Variants in BRPF3 observed in about 807,000 individuals in gnomAD.
The protein encoded by BRPF3 is bromodomain and PHD finger containing 3, also known as bromodomain and PHD finger-containing protein 3.
BRPF3 carries 18 observed loss-of-function variants against 102.0 expected under a neutral mutation model. The observed-to-expected ratio is 0.18, with a 90% CI of 0.12 to 0.26. The LOEUF is 0.26. Ranked by LOEUF, BRPF3 falls within the 10% of genes least tolerant of loss-of-function variation. The probability of loss-of-function intolerance (pLI) is 1.00; values close to 1 mark genes in which losing one functional copy is unlikely to be tolerated. For missense variants in BRPF3, 1,147 were observed against 1,567.8 expected, an observed-to-expected ratio of 0.73 and a Z score of 4.53; for synonymous variants, 570 against 614.2, an observed-to-expected ratio of 0.93 and a Z score of 1.06.
In BRPF3 at chr6:36,200,474, G is replaced by T. The variant is rs763603141; in HGVS notation, c.152G>T (p.Arg51Leu). 6.2e-7 allele frequency: 1 copy of T among 1,614,100 alleles called. No homozygotes were observed. The highest frequency in any genetic ancestry group is 8.5e-7 in the Non-Finnish European group (1 of 1,180,044). Residue 51 changes from arginine (R) to leucine (L), a missense_variant, in exon 2 of 13, where the codon CGT becomes CTT. By Grantham distance (102) the Arg-to-Leu change is moderately radical. This residue lies in a region of BRPF3 where 221 missense variants were observed against 337.1 expected (regional missense o/e 0.66). Coordinates refer to ENST00000357641, the MANE Select transcript of BRPF3 (RefSeq NM_015695.3). The surrounding 1 kb of genome is among the most constrained non-coding windows in gnomAD (Gnocchi z 5.3). Reference protein sequence around the residue: ...VEVDIDGRLHRISIYDPLKII... With the variant: ...VEVDIDGRLHLISIYDPLKII... ...GTAGACATTGATGGACGCCTGCATC[G>T]TATCAGCATCTATGACCCACTCAAA... is the stretch of plus-strand genomic sequence containing the variant.
chr6:36,215,050 G>T lies in BRPF3; in HGVS notation c.2989+664G>T, dbSNP rs1047835829. ...AACCAGTTTGGCTGCAGCAGAGGGG[G>T]TGGGGTGGGGTGAGGTGGTGATAGA... On this transcript the variant is annotated intron_variant, in intron 8 of 12. Transcript: ENST00000357641. Among the ~76,000 whole-genome samples the T allele has an allele frequency of 4.6e-5, 7 of 151,966 alleles. No individual in the cohort carries two copies. In the East Asian group the frequency reaches 9.6e-4, roughly 21 times the overall value.
Position 36,200,206 on chromosome 6 carries a change from C to A in BRPF3, c.-26-91C>A. On this transcript the variant is annotated intron_variant, in intron 1 of 12. Coordinates refer to ENST00000357641, the MANE Select transcript of BRPF3 (RefSeq NM_015695.3). This position sits in a 1 kb window ranked among gnomAD's most constrained non-coding sequence, Gnocchi z 5.3. Reference sequence around the variant, plus strand: ...CAAGTTGTTCAGACAGAGGGAAAAGCCAGTCCTCTTGGTGGATGCTTGATC... The same window carrying A: ...CAAGTTGTTCAGACAGAGGGAAAAGACAGTCCTCTTGGTGGATGCTTGATC... 1 of 1,409,392 alleles carries A rather than the reference C, an allele frequency of 7.1e-7. No homozygotes were observed. Among genetic ancestry groups the A allele is most frequent in the Non-Finnish European group, 9.3e-7 (1 of 1,074,632 alleles). The allele number at this position is 1,409,392 out of a possible 1,614,324, so 87.3% of individuals were successfully genotyped here.
chr6:36,217,907 T>C lies in BRPF3; in HGVS notation c.2990-10T>C. 6.2e-7 allele frequency: 1 copy of C among 1,612,646 alleles called. No individual in the cohort carries two copies. The highest frequency in any genetic ancestry group is 8.5e-7 in the Non-Finnish European group (1 of 1,179,182). ...TCTGCACTCAGACTCACTGTGTGTG[T>C]CCTTGGCAGGCATGACCAACGGCTT... On this transcript the variant is annotated splice_polypyrimidine_tract_variant and intron_variant, in intron 8 of 12. Coordinates refer to ENST00000357641, the MANE Select transcript of BRPF3 (RefSeq NM_015695.3).
Position 36,211,575 on chromosome 6 carries a change from C to A in BRPF3, c.2482+15C>A, listed in dbSNP as rs1456172279. 6.5e-7 allele frequency: 1 copy of A among 1,548,060 alleles called. No homozygotes were observed. ...TGGGGACAGAGGTGAGAGATAGTCACAGGCAGGCAGGGGGTTGGAGGGTAA... is the reference window on the plus strand; with the variant it reads ...TGGGGACAGAGGTGAGAGATAGTCAAAGGCAGGCAGGGGGTTGGAGGGTAA... On this transcript the variant is annotated intron_variant, in intron 7 of 12. Transcript: ENST00000357641.
At position 36,229,677 on chromosome 6, in the gene BRPF3, AAG is replaced by A. The variant is rs555290648; in HGVS notation, c.3434+626_3434+627del. Among the ~76,000 whole-genome samples the A allele has an allele frequency of 5.1e-4, 78 of 152,342 alleles. No individual in the cohort carries two copies. In the Middle Eastern group the frequency reaches 0.017, roughly 33 times the overall value. On this transcript the variant is annotated intron_variant, in intron 12 of 12. Coordinates refer to ENST00000357641, the MANE Select transcript of BRPF3 (RefSeq NM_015695.3). ...ACTTAAGGTTTCTCTTAGCACCAAC[AAG>A]AGAGTGCTTTCACCTTAGCTTCTAT...
chr6:36,227,956 T>G (rs768304136), intron 11 of BRPF3, among the ~76,000 whole-genome samples: 1 of 152,248 alleles, frequency 6.6e-6, no homozygotes, highest in Non-Finnish European at 1.5e-5. Context: ...AAGATTGCTC[T>G]GTCTCTGGAG....
Position 36,201,454 on chromosome 6 carries a change from C to T in BRPF3, c.1132C>T (p.Arg378Cys), listed in dbSNP as rs769248096. 1.1e-5 allele frequency: 17 copies of T among 1,614,042 alleles called. No individual in the cohort carries two copies. Among genetic ancestry groups the T allele is most frequent in the Non-Finnish European group, 1.4e-5 (17 of 1,180,042 alleles). Residue 378 changes from arginine (R) to cysteine (C), a missense_variant, in exon 2 of 13, where the codon CGC becomes TGC. Transcript: ENST00000357641. This position sits in a 1 kb window ranked among gnomAD's most constrained non-coding sequence, Gnocchi z 5.1. ...TSLNGTIFTV[R>C]KTAYCEAHSP... ...CCTCAATGGCACCATCTTTACAGTG[C>T]GCAAGACTGCCTACTGTGAGGCCCA...
intron 6 of BRPF3, 35 bp from the exon 7 acceptor site, chr6:36,211,223 C>T: frequency 6.3e-7 from 1 of 1,598,250 alleles, no homozygotes; most frequent in Non-Finnish European, 8.5e-7. Context: ...TGGGCAGGTC[C>T]TTCAGCCCCT....
rs1167670904 is a variant in BRPF3, at chr6:36,213,875, A to T, written c.2483-5A>T. On this transcript the variant is annotated splice_polypyrimidine_tract_variant and splice_region_variant and intron_variant, in intron 7 of 12. Transcript: ENST00000357641. ...GTTCAAGCAGATTCTCTTTTTTTCT[A>T]ATAGATGACTCCAAACTGCCTCCTC... 5 of 1,576,856 alleles carry T rather than the reference A, an allele frequency of 3.2e-6. No individual in the cohort carries two copies. The Admixed American group carries it at 7.7e-5, about 24-fold the overall frequency.
intron 10 of BRPF3, among the ~76,000 whole-genome samples, chr6:36,223,699 T>A (rs888889153): frequency 2.6e-5 from 4 of 152,218 alleles, no homozygotes; most frequent in Non-Finnish European, 4.4e-5. Context: ...GCATTATAAT[T>A]TACTTAACCA....
intron 9 of BRPF3, among the ~76,000 whole-genome samples, chr6:36,218,307 A>T (rs1029302250): frequency 2.6e-5 from 4 of 152,124 alleles, no homozygotes; most frequent in Admixed American, 1.3e-4. Flanking sequence ...TGAAATTAAC[A>T]TTTGAGCCAA....
Position 36,200,593 on chromosome 6 carries a change from A to G in BRPF3, c.271A>G (p.Lys91Glu). ...SEQPQFPGKS[K>E]KPSSKGKKKE... ...ACAGCCTCAGTTCCCTGGCAAGTCC[A>G]AGAAACCCTCATCCAAGGGCAAAAA... Residue 91 changes from lysine (K) to glutamate (E), a missense_variant, in exon 2 of 13, where the codon AAG (lysine) becomes GAG (glutamate). Physicochemically the swap from Lys to Glu is moderately conservative, Grantham distance 56. Transcript: ENST00000357641. This position sits in a 1 kb window ranked among gnomAD's most constrained non-coding sequence, Gnocchi z 5.3. 1 of 1,614,222 alleles carries G rather than the reference A, an allele frequency of 6.2e-7. No individual in the cohort carries two copies. The highest frequency in any genetic ancestry group is 8.5e-7 in the Non-Finnish European group (1 of 1,180,030).
intron 2 of BRPF3, among the ~76,000 whole-genome samples, chr6:36,202,421 C>G (rs1441059619): frequency 7.1e-6 from 1 of 140,740 alleles, no homozygotes; most frequent in Admixed American, 7.0e-5. Flanking sequence ...CCCCCCCCCC[C>G]TCCGCCCCCG....
intron 3 of BRPF3, among the ~76,000 whole-genome samples, chr6:36,205,230 T>G (rs1194110905): frequency 1.3e-5 from 2 of 152,252 alleles, no homozygotes; most frequent in South Asian, 2.1e-4. Flanking sequence ...CGATCTAAGT[T>G]GTAGCACACA....
At position 36,201,814 on chromosome 6, in the gene BRPF3, C is replaced by T; in HGVS notation, c.1448+44C>T. 1 of 1,542,068 alleles carries T rather than the reference C, an allele frequency of 6.5e-7. No homozygotes were observed. Among genetic ancestry groups the T allele is most frequent in the Non-Finnish European group, 8.7e-7 (1 of 1,146,348 alleles). On this transcript the variant is annotated intron_variant, in intron 2 of 12. Coordinates refer to ENST00000357641, the MANE Select transcript of BRPF3 (RefSeq NM_015695.3). This position sits in a 1 kb window ranked among gnomAD's most constrained non-coding sequence, Gnocchi z 5.1. ...GCTCCTTAGGGACTCATGGTTTCTT[C>T]TTGGGTTGGTGTTGGCCCTGTGCCA...
At chr6:36,222,761 A>G (rs1487927149) in intron 10 of BRPF3, among the ~76,000 whole-genome samples, 1 of 152,150 alleles carries the variant, frequency 6.6e-6, no homozygotes, top group African/African-American at 2.4e-5. Flanking sequence ...TAGGAATGCT[A>G]TCATTTGCTT....
chr6:36,209,950 T>G, intron 5 of BRPF3, 35 bp downstream of exon 5: 1 of 1,611,510 alleles, frequency 6.2e-7, no homozygotes, highest in Non-Finnish European at 8.5e-7. Flanking sequence ...AGTAAATTCT[T>G]CTTGAACTGG....
intron 3 of BRPF3, among the ~76,000 whole-genome samples, chr6:36,206,187 A>G (rs1410115435): frequency 6.6e-6 from 1 of 152,094 alleles, no homozygotes; most frequent in African/African-American, 2.4e-5. Flanking sequence ...TTGATCTTCA[A>G]CTGGTAGTTT....
rs563298820 is a variant in BRPF3 at position 36,210,957 on chromosome 6, C to G, written c.2180-301C>G. On this transcript the variant is annotated intron_variant, in intron 6 of 12. Transcript: ENST00000357641. The surrounding 1 kb of genome is among the most constrained non-coding windows in gnomAD (Gnocchi z 4.7). ...CTGCCTGTCCCTGCTCTCTGCTTCT[C>G]GATGGCAGCAGCCAGTCACTCAGGC... 5.1e-4 allele frequency among the ~76,000 whole-genome samples: 78 copies of G among 152,300 alleles called. No homozygotes were observed. The highest frequency in any genetic ancestry group is 7.8e-4 in the Admixed American group (12 of 15,308).
Sources: gnomAD v4.1 joint callset for allele counts (sites outside exome capture counted in the v4.1 genomes callset) on GRCh38, gnomAD v4.1.1 for gene constraint, gnomAD v4.1.1 regional missense constraint, Gnocchi (gnomAD v3.1) non-coding constraint, MANE v1.5 for transcripts, NCBI Gene and HGNC (gene_info 2026-07-23, HGNC 2026-07-21) for gene names.